PHKA1: variants seen among roughly 807,000 people sequenced by gnomAD.
PHKA1 encodes the protein phosphorylase kinase regulatory subunit alpha 1.
In PHKA1, 60 loss-of-function variants were observed where a neutral mutation model predicts 110.2. The observed-to-expected ratio is 0.54, with a 90% CI of 0.44 to 0.68. The LOEUF is 0.68. Ranked by LOEUF, PHKA1 falls within the 30% of genes least tolerant of loss-of-function variation. The pLI is 0.00. For missense variants in PHKA1, 801 were observed against 942.5 expected, an observed-to-expected ratio of 0.85 and a Z score of 1.97; for synonymous variants, 316 against 333.6, an observed-to-expected ratio of 0.95 and a Z score of 0.58.
At chrX:72,709,702 T>A (rs782751961) in intron 2 of PHKA1, among the ~76,000 whole-genome samples, 1 of 110,598 alleles carries the variant, frequency 9.0e-6, no homozygotes, top group African/African-American at 3.3e-5. Context: ...TTCCAGAGAT[T>A]CATATTTAAA....
chrX:72,706,801 C>A (rs781969336), intron 2 of PHKA1, among the ~76,000 whole-genome samples: 1 of 111,677 alleles, frequency 9.0e-6, no homozygotes, highest in Non-Finnish European at 1.9e-5. Flanking sequence ...TCTAGCCCCA[C>A]TACTCCCATC....
At chrX:72,637,059 A>G (rs1014454693) in intron 14 of PHKA1, among the ~76,000 whole-genome samples, 2 of 111,792 alleles carry the variant, frequency 1.8e-5, no homozygotes, top group Non-Finnish European at 3.8e-5. Context: ...CAAAATATAC[A>G]CAACATAAAA....
At chrX:72,654,362 T>C (rs2053465243) in intron 10 of PHKA1, among the ~76,000 whole-genome samples, 1 of 112,417 alleles carries the variant, frequency 8.9e-6, no homozygotes, top group African/African-American at 3.2e-5. Flanking sequence ...AATCCTCTGA[T>C]GGCCACCCTG....
intron 17 of PHKA1, among the ~76,000 whole-genome samples, chrX:72,626,441 A>G (rs2053070752): frequency 9.0e-6 from 1 of 111,163 alleles, no homozygotes; most frequent in Non-Finnish European, 1.9e-5. Flanking sequence ...CTAGGCAAAG[A>G]ACAGGGTAGG....
intron 5 of PHKA1, among the ~76,000 whole-genome samples, chrX:72,682,491 A>G (rs2053913103): frequency 9.1e-6 from 1 of 110,395 alleles, no homozygotes. Flanking sequence ...AAGGCGGGAA[A>G]GGTGGGGAAA....
intron 4 of PHKA1, among the ~76,000 whole-genome samples, chrX:72,690,846 C>T (rs543297338): frequency 2.1e-4 from 23 of 112,154 alleles, no homozygotes; most frequent in South Asian, 3.8e-4. Flanking sequence ...TGGCTCACTG[C>T]AACCTCCGCC....
intron 7 of PHKA1, 39 bp downstream of exon 7, chrX:72,667,336 G>A (rs1556306842): frequency 9.9e-7 from 1 of 1,014,178 alleles, no homozygotes; most frequent in Admixed American, 2.2e-5. Flanking sequence ...GTCTGGGCAA[G>A]AATAAAATTT....
chrX:72,644,294 A>T, intron 14 of PHKA1, 68 bp downstream of exon 14: 1 of 1,108,654 alleles, frequency 9.0e-7, no homozygotes, highest in South Asian at 1.9e-5. Flanking sequence ...CATGAAGAAG[A>T]AAAAAGGATG....
chrX:72,630,579 C>CT (rs1230078734), intron 16 of PHKA1, among the ~76,000 whole-genome samples: 13 of 105,868 alleles, frequency 1.2e-4, no homozygotes, highest in East Asian at 5.9e-4. Flanking sequence ...GTTTAAAATT[C>CT]TTTTTTTTTT....
intron 3 of PHKA1, among the ~76,000 whole-genome samples, chrX:72,704,945 T>C (rs782482238): frequency 9.0e-6 from 1 of 111,438 alleles, no homozygotes; most frequent in Non-Finnish European, 1.9e-5. Context: ...CACAATTGCA[T>C]GTACAGTAAT....
chrX:72,656,094 T>G, intron 10 of PHKA1, 26 bp downstream of exon 10: 1 of 1,207,614 alleles, frequency 8.3e-7, no homozygotes. Flanking sequence ...AACATTCTGC[T>G]GAAAACTCTT....
At chrX:72,617,319 T>C (rs1209039905) in intron 21 of PHKA1, among the ~76,000 whole-genome samples, 6 of 106,345 alleles carry the variant, frequency 5.6e-5, no homozygotes, top group African/African-American at 1.7e-4. Flanking sequence ...AGGAGATATA[T>C]AGCCTGGGTA....
chrX:72,624,512 G>A (rs782736260), intron 17 of PHKA1, among the ~76,000 whole-genome samples: 1 of 111,321 alleles, frequency 9.0e-6, no homozygotes, highest in South Asian at 3.9e-4. Flanking sequence ...AGGAAGTCAT[G>A]CCTACTTGCT....
intron 25 of PHKA1, 36 bp downstream of exon 25, chrX:72,605,235 G>A (rs1556248919): frequency 1.7e-6 from 2 of 1,145,100 alleles, no homozygotes; most frequent in Admixed American, 2.2e-5. Context: ...TACATCAAAA[G>A]TGAATTCCAC....
chrX:72,653,578 T>C (rs1471379762), intron 10 of PHKA1, 48 bp from the exon 11 acceptor site: 1 of 869,685 alleles, frequency 1.1e-6, no homozygotes, highest in Non-Finnish European at 1.7e-6. Flanking sequence ...GAGAGTCCCT[T>C]TGGGGACCCA....
At chrX:72,663,580 C>T (rs1315710808) in intron 8 of PHKA1, among the ~76,000 whole-genome samples, 2 of 110,644 alleles carry the variant, frequency 1.8e-5, no homozygotes, top group Non-Finnish European at 3.8e-5. Context: ...GCATTATAGT[C>T]AAAATGTCAA....
Position 72,676,115 on chromosome X carries a change from G to C in PHKA1, c.573C>G (p.Asn191Lys), listed in dbSNP as rs200904768. Residue 191 changes from asparagine (N) to lysine (K), a missense_variant, in exon 6 of 32, where the codon AAC becomes AAG. By Grantham distance (94) the Asn-to-Lys change is moderately conservative. Coordinates refer to ENST00000373542, the MANE Select transcript of PHKA1 (RefSeq NM_002637.4). ...TGGCATTCAACTCTGAGATCCCTTGGTTGGTCTTGTCTCCACGTTCCCATA... is the reference window on the plus strand; with the variant it reads ...TGGCATTCAACTCTGAGATCCCTTGCTTGGTCTTGTCTCCACGTTCCCATA... Reference protein sequence around the residue: ...FGIWERGDKTNQGISELNASS... With the variant: ...FGIWERGDKTKQGISELNASS... The C allele has an allele frequency of 1.7e-6, 2 of 1,209,769 alleles. No individual in the cohort carries two copies. Among genetic ancestry groups the C allele is most frequent in the Non-Finnish European group, 2.2e-6 (2 of 894,170 alleles).
chrX:72,681,679 C>A (rs1468786465), intron 5 of PHKA1, among the ~76,000 whole-genome samples: 1 of 84,395 alleles, frequency 1.2e-5, no homozygotes, highest in Non-Finnish European at 2.3e-5. Context: ...ATGGGGGGGT[C>A]AGCCCCCCAC....
intron 13 of PHKA1, among the ~76,000 whole-genome samples, chrX:72,649,916 C>T (rs1305410714): frequency 9.2e-6 from 1 of 108,274 alleles, no homozygotes; most frequent in African/African-American, 3.4e-5. Flanking sequence ...TGCTTGAACC[C>T]AGGAGGTGGA....
Sources: gnomAD v4.1 joint callset for allele counts (sites outside exome capture counted in the v4.1 genomes callset) on GRCh38, gnomAD v4.1.1 for gene constraint, MANE v1.5 for transcripts, NCBI Gene and HGNC (gene_info 2026-07-23, HGNC 2026-07-21) for gene names.